The following PPFIBP2 variants were observed in gnomAD, a reference collection of about 807,000 sequenced individuals.
PPFIBP2 encodes the protein PPFIB scaffold protein 2, also known as liprin-beta-2.
In PPFIBP2, 118 loss-of-function variants were observed where a neutral mutation model predicts 118.3. The ratio of observed to expected loss-of-function variants is 1.00; its 90% CI spans 0.86 to 1.16. PPFIBP2 has a LOEUF of 1.16. Among genes scored for constraint, PPFIBP2 ranks in the 50% most tolerant of loss-of-function variants. The pLI, the probability that PPFIBP2 is intolerant of heterozygous loss-of-function variation, is 0.00. For synonymous variants in PPFIBP2, 414 were observed against 397.4 expected, an observed-to-expected ratio of 1.04 and a Z score of -0.50; for missense variants, 1,195 against 1,073.1, an observed-to-expected ratio of 1.11 and a Z score of -1.59.
In PPFIBP2 at chr11:7,639,735, A is replaced by G. The variant is rs758139037; in HGVS notation, c.1240A>G (p.Ser414Gly). Residue 414 changes from serine to glycine, a missense_variant, in exon 15 of 24, where the codon AGC becomes GGC. Physicochemically the swap from Ser to Gly is moderately conservative, Grantham distance 56 (BLOSUM62 0). Coordinates refer to ENST00000299492, the MANE Select transcript of PPFIBP2 (RefSeq NM_003621.5). ...TCTTTCTCTCACCTTCCAATAGGAC[A>G]GCCCTTTCTTGGCGGAGCACAAATA... ...QPFPVLEPKD[S>G]PFLAEHKYPT... 5 of 1,614,150 alleles carry G rather than the reference A, an allele frequency of 3.1e-6. 1 individual carries two copies. In the South Asian group the frequency reaches 5.5e-5, roughly 18 times the overall value.
chr11:7,588,490 A>T (rs992218568), intron 3 of PPFIBP2, among the ~76,000 whole-genome samples: 2 of 152,198 alleles, frequency 1.3e-5, no homozygotes, highest in Admixed American at 6.5e-5. Context: ...TTAATTGCTC[A>T]AGCTGCACAT....
At chr11:7,537,925 T>TTGGTCGCCAAGA (rs11268059) in intron 1 of PPFIBP2, among the ~76,000 whole-genome samples, 1,792 of 151,914 alleles carry the variant, frequency 0.012, 44 homozygotes, top group African/African-American at 0.039. Context: ...AGGCATGGCC[T>TTGGTCGCCAAGA]TGGTTGTGGC....
At chr11:7,585,116 C>T (rs1410213566) in intron 3 of PPFIBP2, among the ~76,000 whole-genome samples, 1 of 152,206 alleles carries the variant, frequency 6.6e-6, no homozygotes, top group East Asian at 1.9e-4. Context: ...ATTTAACATG[C>T]TCTGACCAGT....
At position 7,535,101 on chromosome 11, in the gene PPFIBP2, T is replaced by C. The variant is rs115173617; in HGVS notation, c.-36-14339T>C. Among the ~76,000 whole-genome samples the C allele has an allele frequency of 2.3e-3, 356 of 152,324 alleles. 1 individual carries two copies. Among genetic ancestry groups the C allele is most frequent in the African/African-American group, 8.4e-3 (350 of 41,568 alleles). On this transcript the variant is annotated intron_variant, in intron 1 of 23. Transcript: ENST00000299492. ...ATTTCCACCATCAGATACTGAGCTG[T>C]TTCCCAGGGGAGGAAATCCTGGAAA...
At chr11:7,609,692 T>C (rs538036070) in intron 5 of PPFIBP2, among the ~76,000 whole-genome samples, 1 of 152,350 alleles carries the variant, frequency 6.6e-6, no homozygotes, top group South Asian at 2.1e-4. Context: ...AATCTTCTTA[T>C]TTACATTCCA....
At chr11:7,525,297 A>C (rs1315602670) in intron 1 of PPFIBP2, among the ~76,000 whole-genome samples, 1 of 152,210 alleles carries the variant, frequency 6.6e-6, no homozygotes, top group Non-Finnish European at 1.5e-5. Flanking sequence ...TGGGAACAAT[A>C]ATAGGCCAAT....
chr11:7,587,878 G>C (rs958785532), intron 3 of PPFIBP2, among the ~76,000 whole-genome samples: 1 of 152,126 alleles, frequency 6.6e-6, no homozygotes, highest in Admixed American at 6.5e-5. Context: ...GATGATCTCA[G>C]CCTAGTCTAC....
chr11:7,615,480 G>T (rs1469246220), intron 6 of PPFIBP2, among the ~76,000 whole-genome samples: 1 of 152,224 alleles, frequency 6.6e-6, no homozygotes, highest in East Asian at 1.9e-4. Context: ...ACACTGAGCA[G>T]AGGGATGAAA....
intron 4 of PPFIBP2, among the ~76,000 whole-genome samples, chr11:7,594,169 T>C (rs189678195): frequency 6.6e-6 from 1 of 152,302 alleles, no homozygotes; most frequent in African/African-American, 2.4e-5. Context: ...TTTTACTCTT[T>C]CATTGTATTT....
chr11:7,644,967 C>T (rs1005700197), intron 17 of PPFIBP2, among the ~76,000 whole-genome samples: 4 of 127,866 alleles, frequency 3.1e-5, no homozygotes, highest in Non-Finnish European at 6.2e-5. Context: ...GCGGAGCTTG[C>T]AGTGAGCCGA....
At chr11:7,568,066 T>C (rs1855209842) in intron 3 of PPFIBP2, among the ~76,000 whole-genome samples, 1 of 152,236 alleles carries the variant, frequency 6.6e-6, no homozygotes, top group African/African-American at 2.4e-5. Flanking sequence ...CTTGCATATT[T>C]GCTCCCTTCT....
intron 3 of PPFIBP2, among the ~76,000 whole-genome samples, chr11:7,579,269 C>T (rs1211422284): frequency 6.6e-6 from 1 of 152,184 alleles, no homozygotes; most frequent in East Asian, 1.9e-4. Context: ...GAACCCTGTT[C>T]TCTATCTCCC....
chr11:7,597,444 C>T lies in PPFIBP2; in HGVS notation c.373-116C>T, dbSNP rs533503671. On this transcript the variant is annotated intron_variant, in intron 4 of 23. Coordinates refer to ENST00000299492, the MANE Select transcript of PPFIBP2 (RefSeq NM_003621.5). ...CCTGCCACTCAGCAAAAATCAAAAT[C>T]GTTCACTGTGTGTAAGAGTCAGTGG... 1.4e-4 allele frequency: 216 copies of T among 1,536,644 alleles called. 1 individual carries two copies. The highest frequency in any genetic ancestry group is 1.2e-3 in the South Asian group (97 of 83,896).
At chr11:7,521,277 G>A (rs912564037) in intron 1 of PPFIBP2, among the ~76,000 whole-genome samples, 3 of 152,170 alleles carry the variant, frequency 2.0e-5, no homozygotes, top group African/African-American at 7.2e-5. Context: ...CATACCTGTA[G>A]ATGGGAGGCC....
Position 7,517,947 on chromosome 11 carries a change from G to A in PPFIBP2, c.-37+3826G>A, listed in dbSNP as rs993442443. 5.9e-5 allele frequency among the ~76,000 whole-genome samples: 9 copies of A among 152,300 alleles called. No individual in the cohort carries two copies. The South Asian group carries it at 6.2e-4, about 11-fold the overall frequency. The stretch of plus-strand genomic sequence containing the variant: ...GTGGGGTCCTCCGCAGAGGGGGCAC[G>A]GCCTGGTGGGCTTACCTGGGTATGG... On this transcript the variant is annotated intron_variant, in intron 1 of 23. Transcript: ENST00000299492.
chr11:7,648,968 G>T, intron 19 of PPFIBP2, 57 bp downstream of exon 19: 1 of 1,500,540 alleles, frequency 6.7e-7, no homozygotes. Context: ...AGAGTAGAAA[G>T]AATTTTCCTG....
At chr11:7,634,851 A>G (rs1445739821) in intron 13 of PPFIBP2, among the ~76,000 whole-genome samples, 3 of 152,156 alleles carry the variant, frequency 2.0e-5, no homozygotes, top group Non-Finnish European at 4.4e-5. Flanking sequence ...GGAGAGTAGG[A>G]GGAGGTAAGG....
intron 1 of PPFIBP2, among the ~76,000 whole-genome samples, chr11:7,527,052 T>G (rs1199280922): frequency 4.0e-5 from 6 of 149,770 alleles, no homozygotes. Context: ...TAGAAGGGAG[T>G]GATCCAGGAG....
At chr11:7,643,794 T>A (rs1406024589) in intron 17 of PPFIBP2, among the ~76,000 whole-genome samples, 2 of 152,184 alleles carry the variant, frequency 1.3e-5, no homozygotes, top group Admixed American at 1.3e-4. Flanking sequence ...AGCCCCAACC[T>A]TTTTTTGTTC....
Sources: allele counts gnomAD v4.1 joint callset (sites outside exome capture counted in the v4.1 genomes callset), GRCh38; gene constraint gnomAD v4.1.1; transcripts MANE v1.5; gene names NCBI Gene and HGNC (gene_info 2026-07-23, HGNC 2026-07-21).